LRRC40: variants seen among roughly 807,000 people sequenced by gnomAD.
LRRC40 encodes leucine rich repeat containing 40.
LRRC40 carries 76 observed loss-of-function variants against 72.8 expected under a neutral mutation model. The ratio of observed to expected loss-of-function variants is 1.04; its 90% CI spans 0.87 to 1.26. The LOEUF (loss-of-function observed/expected upper bound fraction) is 1.26. LRRC40 is among the 50% of genes most tolerant of loss of function. The pLI, the probability that LRRC40 is intolerant of heterozygous loss-of-function variation, is 0.00. For synonymous variants in LRRC40, 243 were observed against 254.2 expected (o/e 0.96, Z 0.42); for missense variants, 684 against 698.9 (o/e 0.98, Z 0.24).
At chr1:70,163,959 G>C (rs1667821966) in intron 9 of LRRC40, among the ~76,000 whole-genome samples, 1 of 152,052 alleles carries the variant, frequency 6.6e-6, no homozygotes. Context: ...TCTCACAATT[G>C]TGAAGGCTGA....
intron 7 of LRRC40, among the ~76,000 whole-genome samples, 189 bp downstream of exon 7, chr1:70,175,621 T>A (rs1037125447): frequency 6.6e-6 from 1 of 152,142 alleles, no homozygotes; most frequent in Non-Finnish European, 1.5e-5. Flanking sequence ...CTGCTTCTAT[T>A]ATCATATCAA....
intron 3 of LRRC40, among the ~76,000 whole-genome samples, chr1:70,185,525 G>T (rs1668341732): frequency 6.6e-6 from 1 of 152,126 alleles, no homozygotes; most frequent in Admixed American, 6.5e-5. Context: ...CAGCCATGTG[G>T]AACTGTAAGT....
At chr1:70,146,768 T>G (rs576089742) in intron 14 of LRRC40, among the ~76,000 whole-genome samples, 1 of 152,268 alleles carries the variant, frequency 6.6e-6, no homozygotes, top group East Asian at 1.9e-4. Flanking sequence ...CATTCTGCCC[T>G]CTCCCTCCTT....
chr1:70,180,968 A>G (rs1422104095), intron 5 of LRRC40, 118 bp downstream of exon 5: 1 of 698,428 alleles, frequency 1.4e-6, no homozygotes, highest in Non-Finnish European at 2.2e-6. Context: ...TATTGTTTGC[A>G]TTTACCACTA....
chr1:70,173,381 C>G, intron 9 of LRRC40, 84 bp downstream of exon 9: 3 of 979,012 alleles, frequency 3.1e-6, no homozygotes, highest in Non-Finnish European at 1.6e-6. Context: ...TATGTATACC[C>G]AAAAGACATT....
At chr1:70,148,221 T>G (rs1182747004) in intron 14 of LRRC40, among the ~76,000 whole-genome samples, 2 of 151,548 alleles carry the variant, frequency 1.3e-5, no homozygotes, top group African/African-American at 2.4e-5. Flanking sequence ...AGATTCAGGT[T>G]ATAAACATAC....
chr1:70,147,954 G>C (rs775265906), intron 14 of LRRC40: 3 of 152,024 alleles, frequency 2.0e-5, no homozygotes, highest in Non-Finnish European at 2.9e-5. Context: ...AATGAAGCAT[G>C]ATGGGAAATC....
chr1:70,153,954 C>T (rs1382998799), intron 11 of LRRC40, among the ~76,000 whole-genome samples: 1 of 110,184 alleles, frequency 9.1e-6, no homozygotes, highest in African/African-American at 3.6e-5. Flanking sequence ...GTAGGGGCAA[C>T]AGAGTGAGAT....
chr1:70,204,020 T>G (rs1668820201), intron 1 of LRRC40, among the ~76,000 whole-genome samples: 1 of 152,244 alleles, frequency 6.6e-6, no homozygotes, highest in Admixed American at 6.5e-5. Context: ...AGGTAAAGTG[T>G]TAGGTTCTGG....
At chr1:70,197,733 A>G (rs1668646843) in intron 1 of LRRC40, among the ~76,000 whole-genome samples, 1 of 151,988 alleles carries the variant, frequency 6.6e-6, no homozygotes, top group African/African-American at 2.4e-5. Flanking sequence ...TGGGTGGATA[A>G]AGAGACAGAG....
intron 1 of LRRC40, among the ~76,000 whole-genome samples, chr1:70,191,352 AT>A (rs1364480002): frequency 2.0e-5 from 3 of 152,188 alleles, no homozygotes; most frequent in Non-Finnish European, 4.4e-5. Context: ...AAGCAGTGTA[AT>A]AACAAATGTC....
chr1:70,202,683 C>T (rs1314775273), intron 1 of LRRC40, among the ~76,000 whole-genome samples: 1 of 152,038 alleles, frequency 6.6e-6, no homozygotes, highest in African/African-American at 2.4e-5. Flanking sequence ...AACCTATGAA[C>T]TCCAGTTAAT....
chr1:70,158,890 A>G (rs528607050), intron 10 of LRRC40, among the ~76,000 whole-genome samples: 1 of 152,300 alleles, frequency 6.6e-6, no homozygotes, highest in Admixed American at 6.5e-5. Flanking sequence ...TATAACAATA[A>G]AATGTTCCCA....
chr1:70,184,322 T>C (rs998397013), intron 4 of LRRC40, among the ~76,000 whole-genome samples: 1 of 152,066 alleles, frequency 6.6e-6, no homozygotes, highest in African/African-American at 2.4e-5. Flanking sequence ...CTATTTAAGG[T>C]AAGTGAAACA....
chr1:70,152,527 C>T lies in LRRC40; in HGVS notation c.1345G>A (p.Glu449Lys). 6.3e-7 allele frequency: 1 copy of T among 1,587,204 alleles called. No individual in the cohort carries two copies. Among genetic ancestry groups the T allele is most frequent in the South Asian group, 1.1e-5 (1 of 90,162 alleles). ...EIPKRMVELKEMVSDVDLSFN... is the reference protein window; with the variant it reads ...EIPKRMVELKKMVSDVDLSFN... ...CTGAGATCGACATCAGAAACCATTT[C>T]CTTCAGTTCTACCATCCTGAAACAA... Residue 449 changes from glutamate to lysine, a missense_variant, in exon 12 of 15, where the codon GAA becomes AAA. By Grantham distance (56) the Glu-to-Lys change is moderately conservative. Coordinates refer to ENST00000370952, the MANE Select transcript of LRRC40 (RefSeq NM_017768.5).
At position 70,155,643 on chromosome 1, in the gene LRRC40, C is replaced by T. The variant is rs372827975; in HGVS notation, c.1328+46G>A. The T allele has an allele frequency of 8.1e-6, 7 of 867,940 alleles. No homozygotes were observed. The African/African-American group carries it at 1.2e-4, about 15-fold the overall frequency. 53.8% of individuals were successfully genotyped at this position (867,940 alleles called of 1,614,324 possible). A position where few individuals can be genotyped will look rare whatever the true frequency, so the allele number is the denominator to read the frequency against. On this transcript the variant is annotated intron_variant, in intron 11 of 14. Coordinates refer to ENST00000370952, the MANE Select transcript of LRRC40 (RefSeq NM_017768.5). ...CAATTTAAAAACCAAGATGGAAAAA[C>T]AACAGAATGAGTCACAACCTATAGA...
At chr1:70,197,381 G>A (rs1668638285) in intron 1 of LRRC40, among the ~76,000 whole-genome samples, 1 of 151,926 alleles carries the variant, frequency 6.6e-6, no homozygotes, top group East Asian at 1.9e-4. Context: ...GGCTTCAGGA[G>A]ATCCTCCTGC....
At chr1:70,163,275 T>TA (rs1402501906) in intron 9 of LRRC40, among the ~76,000 whole-genome samples, 1 of 152,038 alleles carries the variant, frequency 6.6e-6, no homozygotes, top group Non-Finnish European at 1.5e-5. Context: ...TTTTAGTAGA[T>TA]ACGGGGTTTC....
Position 70,148,659 on chromosome 1 carries a change from G to T in LRRC40, c.1531C>A (p.Pro511Thr). 2 of 1,605,242 alleles carry T rather than the reference G, an allele frequency of 1.2e-6. No individual in the cohort carries two copies. Among genetic ancestry groups the T allele is most frequent in the Non-Finnish European group, 1.7e-6 (2 of 1,173,578 alleles). ...NLSFNRFKML[P>T]EVLYRIFTLE... ...GTGAAGATACGATATAGAACTTCAG[G>T]TAGCATTTTAAACCTATTAATACAT... The change falls in exon 14 of 15, where the codon CCT (proline) becomes ACT (threonine). Residue 511 changes from proline (P) to threonine (T), a missense_variant. Physicochemically the swap from Pro to Thr is conservative, Grantham distance 38 (BLOSUM62 -1). Coordinates refer to ENST00000370952, the MANE Select transcript of LRRC40 (RefSeq NM_017768.5).
Sources: gnomAD v4.1 joint callset for allele counts (sites outside exome capture counted in the v4.1 genomes callset) on GRCh38, gnomAD v4.1.1 for gene constraint, MANE v1.5 for transcripts, NCBI Gene and HGNC (gene_info 2026-07-23, HGNC 2026-07-21) for gene names.